Variants in OSCP1 observed in about 807,000 individuals in gnomAD.
OSCP1 encodes protein OSCP1.
In OSCP1, 35 loss-of-function variants were observed where a neutral mutation model predicts 45.1. The ratio of observed to expected loss-of-function variants is 0.78; its 90% CI spans 0.59 to 1.03. The LOEUF is 1.03. OSCP1 is among the 50% of genes least tolerant of loss of function. The pLI is 0.00. For missense variants in OSCP1, 400 were observed against 470.7 expected, an observed-to-expected ratio of 0.85 and a Z score of 1.39; for synonymous variants, 179 against 180.1, an observed-to-expected ratio of 0.99 and a Z score of 0.05.
At chr1:36,428,612 G>C in intron 4 of OSCP1, 1 of 1,092,258 alleles carries the variant, frequency 9.2e-7, no homozygotes, top group Non-Finnish European at 1.2e-6. Context: ...AGGTCATGGA[G>C]CTAGTCCTAT....
chr1:36,431,586 C>T (rs1398602745), intron 4 of OSCP1, among the ~76,000 whole-genome samples: 1 of 151,094 alleles, frequency 6.6e-6, no homozygotes, highest in Non-Finnish European at 1.5e-5. Flanking sequence ...AAGAAACTCA[C>T]AAGGTAATCA....
At chr1:36,433,811 G>C (rs1648533099) in intron 2 of OSCP1, among the ~76,000 whole-genome samples, 1 of 152,140 alleles carries the variant, frequency 6.6e-6, no homozygotes, top group Admixed American at 6.6e-5. Context: ...AGAAGGGAGA[G>C]ACTAGTTAGG....
rs1649626925 is a variant in OSCP1, at chr1:36,447,627, A to G, written c.112+2631T>C. On this transcript the variant is annotated intron_variant, in intron 1 of 9. Transcript: ENST00000235532. The surrounding 1 kb of genome is among the most constrained non-coding windows in gnomAD (Gnocchi z 4.1). ...CTACCAGCCATGTAACTCTGGGCAA[A>G]TTAGTCTTAGTTTCTCCATCTGTAA... 6.6e-6 allele frequency among the ~76,000 whole-genome samples: 1 copy of G among 152,194 alleles called. No homozygotes were observed. The highest frequency in any genetic ancestry group is 2.4e-5 in the African/African-American group (1 of 41,446).
chr1:36,446,168 G>A (rs1309230303), intron 1 of OSCP1, among the ~76,000 whole-genome samples: 7 of 151,408 alleles, frequency 4.6e-5, no homozygotes, highest in African/African-American at 7.3e-5. Flanking sequence ...GATTACAGGC[G>A]CCTGCCACCA....
rs1462703153 is a variant in OSCP1 at position 36,421,920 on chromosome 1, T to G, written c.819+230A>C. ...TGTCCTGGTGTGTGGTTCCTCTTAATTATGGTGGCCGAGCCAAGCCTAAAA... is the reference window on the plus strand; with the variant it reads ...TGTCCTGGTGTGTGGTTCCTCTTAAGTATGGTGGCCGAGCCAAGCCTAAAA... On this transcript the variant is annotated intron_variant, in intron 7 of 9. Transcript: ENST00000235532. 3 of 576,970 alleles carry G rather than the reference T, an allele frequency of 5.2e-6. No homozygotes were observed. In the East Asian group the frequency reaches 8.7e-5, roughly 17 times the overall value. 35.7% of individuals were successfully genotyped at this position (576,970 alleles called of 1,614,324 possible).
At chr1:36,426,711 AT>A (rs1172925783) in intron 4 of OSCP1, among the ~76,000 whole-genome samples, 1 of 151,712 alleles carries the variant, frequency 6.6e-6, no homozygotes, top group Non-Finnish European at 1.5e-5. Context: ...GTATTTTTTT[AT>A]TTTAATTTTT....
rs146439686 is a variant in OSCP1 at position 36,423,410 on chromosome 1, C to G, written c.573G>C (p.Pro191=). ...TTCCCCAAGGAACAGGCCCGGACAC[C>G]GGCAACACAAAGCGACCGTTATTAT... The part of the protein sequence containing the change: ...VQNNNGRFVL[P]VSGPVPWGTE... Residue 191 remains proline, a synonymous_variant, in exon 5 of 10, where the codon CCG becomes CCC. Transcript: ENST00000235532. 45 of 1,613,622 alleles carry G rather than the reference C, an allele frequency of 2.8e-5. No homozygotes were observed. The East Asian group carries it at 8.7e-4, about 31-fold the overall frequency.
In OSCP1 at chr1:36,449,835, CAAAAAAAAAA is replaced by C. The variant is rs67376533; in HGVS notation, c.112+413_112+422del. ...TGGGCGACAGAGCGAGACCCTGTCTCAAAAAAAAAAAAAAAAAAAAAAAAAAAAAAAAATC... is the reference window on the plus strand; with the variant it reads ...TGGGCGACAGAGCGAGACCCTGTCTCAAAAAAAAAAAAAAAAAAAAAAATC... On this transcript the variant is annotated intron_variant, in intron 1 of 9. Coordinates refer to ENST00000235532, the MANE Select transcript of OSCP1 (RefSeq NM_145047.5). Among the ~76,000 whole-genome samples, 9 of 20,334 alleles carry C rather than the reference CAAAAAAAAAA, an allele frequency of 4.4e-4. No individual in the cohort carries two copies. In the South Asian group the frequency reaches 0.041, roughly 92 times the overall value. The allele number at this position is 20,334 out of a possible 152,430, so 13.3% of individuals were successfully genotyped here. A position where few individuals can be genotyped will look rare whatever the true frequency, so the allele number is the denominator to read the frequency against.
intron 2 of OSCP1, among the ~76,000 whole-genome samples, chr1:36,433,384 AGAG>A (rs1296131066): frequency 6.6e-6 from 1 of 152,002 alleles, no homozygotes; most frequent in Non-Finnish European, 1.5e-5. Flanking sequence ...TCTGGGAGAA[AGAG>A]GAGAATGGCC....
At chr1:36,423,045 A>G in intron 5 of OSCP1, 149 bp from the exon 6 acceptor site, 1 of 523,014 alleles carries the variant, frequency 1.9e-6, no homozygotes, top group Admixed American at 3.9e-5. Context: ...ATAATAATAC[A>G]ATAATAATAT....
chr1:36,430,191 C>CA (rs1353840600), intron 4 of OSCP1, among the ~76,000 whole-genome samples: 3 of 151,710 alleles, frequency 2.0e-5, no homozygotes, highest in Admixed American at 2.0e-4. Context: ...TACAGACACG[C>CA]ACCACCTTGC....
chr1:36,423,236 GT>G (rs1451453850), intron 5 of OSCP1, 126 bp downstream of exon 5: 1 of 854,384 alleles, frequency 1.2e-6, no homozygotes, highest in Non-Finnish European at 2.0e-6. Context: ...TTCAATAGCT[GT>G]TTTACTGAAG....
At chr1:36,434,658 G>A (rs551415960) in intron 2 of OSCP1, among the ~76,000 whole-genome samples, 2 of 149,688 alleles carry the variant, frequency 1.3e-5, no homozygotes, top group African/African-American at 4.9e-5. Context: ...GCTGAGACAG[G>A]AGAATTGCTT....
intron 2 of OSCP1, among the ~76,000 whole-genome samples, chr1:36,436,406 G>C (rs1451755525): frequency 6.6e-6 from 1 of 152,096 alleles, no homozygotes; most frequent in African/African-American, 2.4e-5. Context: ...CACCGCGCCC[G>C]GCCCTCTCTA....
At chr1:36,440,971 G>A (rs905648319) in intron 1 of OSCP1, 2 of 152,230 alleles carry the variant, frequency 1.3e-5, no homozygotes, top group Non-Finnish European at 2.9e-5. Context: ...TAGGGAAATA[G>A]CTTACACCCA....
In OSCP1 at chr1:36,418,087, G is replaced by T; in HGVS notation, c.*52C>A. 2 of 1,492,408 alleles carry T rather than the reference G, an allele frequency of 1.3e-6. No homozygotes were observed. Among genetic ancestry groups the T allele is most frequent in the Non-Finnish European group, 9.3e-7 (1 of 1,072,764 alleles). The allele number at this position is 1,492,408 out of a possible 1,614,324, so 92.4% of individuals were successfully genotyped here. A position where few individuals can be genotyped will look rare whatever the true frequency, so the allele number is the denominator to read the frequency against. Reference sequence around the variant, plus strand: ...CTGGGCCATGGGGCATTCCCCAGGGGTCACCATCCAGCAGCCTCTCCCTGG... The same window carrying T: ...CTGGGCCATGGGGCATTCCCCAGGGTTCACCATCCAGCAGCCTCTCCCTGG... On this transcript the variant is annotated 3_prime_UTR_variant, in exon 10 of 10. Coordinates refer to ENST00000235532, the MANE Select transcript of OSCP1 (RefSeq NM_145047.5).
chr1:36,436,842 T>G (rs1317984544), intron 2 of OSCP1, among the ~76,000 whole-genome samples: 2 of 152,194 alleles, frequency 1.3e-5, no homozygotes, highest in Non-Finnish European at 2.9e-5. Context: ...CTGGACAGTT[T>G]CTCTGACTCT....
At chr1:36,418,305 G>C in intron 9 of OSCP1, 50 bp from the exon 10 acceptor site, 1 of 1,567,840 alleles carries the variant, frequency 6.4e-7, no homozygotes, top group East Asian at 2.2e-5. Flanking sequence ...GTGCTGGCAG[G>C]CCGCCTCTTT....
At chr1:36,419,784 A>C (rs1455946342) in intron 8 of OSCP1, among the ~76,000 whole-genome samples, 1 of 152,222 alleles carries the variant, frequency 6.6e-6, no homozygotes, top group Admixed American at 6.5e-5. Flanking sequence ...TTCTCTGATA[A>C]GTAAAACATT....
Sources: allele counts gnomAD v4.1 joint callset (sites outside exome capture counted in the v4.1 genomes callset), GRCh38; gene constraint gnomAD v4.1.1; non-coding constraint Gnocchi (gnomAD v3.1); transcripts MANE v1.5; gene names NCBI Gene and HGNC (gene_info 2026-07-23, HGNC 2026-07-21).